Variants in GABRA2 observed in about 807,000 individuals in gnomAD.
The protein encoded by GABRA2 is gamma-aminobutyric acid receptor subunit alpha-2.
Under a neutral mutation model 48.7 loss-of-function variants are expected in GABRA2, and 16 were observed. The observed-to-expected ratio is 0.33, with a 90% CI of 0.22 to 0.50. The LOEUF (loss-of-function observed/expected upper bound fraction) is 0.50, where lower values mean the gene tolerates loss of function less well. GABRA2 is among the 20% of genes least tolerant of loss of function. The pLI is 0.98. For missense variants in GABRA2, 275 were observed against 535.6 expected (o/e 0.51, Z 4.80); for synonymous variants, 185 against 184.5 (o/e 1.00, Z -0.02).
At chr4:46,368,269 A>C (rs1173048907) in intron 3 of GABRA2, 1 of 152,108 alleles carries the variant, frequency 6.6e-6, no homozygotes, top group Non-Finnish European at 1.5e-5. Context: ...ACCTTGTAAC[A>C]CTGACAGCCA....
At chr4:46,343,643 C>T (rs1733666766) in intron 3 of GABRA2, among the ~76,000 whole-genome samples, 1 of 151,900 alleles carries the variant, frequency 6.6e-6, no homozygotes, top group South Asian at 2.1e-4. Flanking sequence ...CTAACATGCA[C>T]GCTTTGTAAT....
chr4:46,340,587 T>G (rs1733049828), intron 3 of GABRA2, among the ~76,000 whole-genome samples: 1 of 152,074 alleles, frequency 6.6e-6, no homozygotes, highest in Admixed American at 6.6e-5. Flanking sequence ...CCTTTTTCTG[T>G]TGATATTGGA....
chr4:46,263,362 T>C (rs1181402811), intron 8 of GABRA2, among the ~76,000 whole-genome samples: 1 of 152,110 alleles, frequency 6.6e-6, no homozygotes, highest in Non-Finnish European at 1.5e-5. Flanking sequence ...TAGAGTTTTA[T>C]GTCTTACCAG....
intron 3 of GABRA2, among the ~76,000 whole-genome samples, chr4:46,339,100 C>T (rs143690484): frequency 0.01 from 1,588 of 151,882 alleles, 19 homozygotes; most frequent in Middle Eastern, 0.024. Flanking sequence ...AAACTACAAC[C>T]ACTCCAAATC....
At chr4:46,294,867 C>T (rs1371138064) in intron 8 of GABRA2, among the ~76,000 whole-genome samples, 1 of 152,180 alleles carries the variant, frequency 6.6e-6, no homozygotes, top group Non-Finnish European at 1.5e-5. Context: ...CTTTCTGACC[C>T]ATCTAACCAT....
chr4:46,389,120 G>A, intron 1 of GABRA2: 1 of 1,000,298 alleles, frequency 1.0e-6, no homozygotes, highest in South Asian at 4.4e-5. Flanking sequence ...GAAAGGAGAG[G>A]AGAGGAGAGA....
At chr4:46,252,200 C>T (rs1344590652) in intron 9 of GABRA2, among the ~76,000 whole-genome samples, 1 of 151,330 alleles carries the variant, frequency 6.6e-6, no homozygotes, top group Non-Finnish European at 1.5e-5. Flanking sequence ...TCCTTTTTCC[C>T]CTGCTGACAT....
chr4:46,251,494 T>C (rs1714749355), intron 9 of GABRA2, among the ~76,000 whole-genome samples: 1 of 151,532 alleles, frequency 6.6e-6, no homozygotes, highest in African/African-American at 2.4e-5. Context: ...GTGCCACGCT[T>C]TTAGCCATGA....
chr4:46,261,834 T>A (rs1406797910), intron 9 of GABRA2, 92 bp downstream of exon 9: 1 of 986,530 alleles, frequency 1.0e-6, no homozygotes, highest in East Asian at 2.5e-5. Flanking sequence ...TATATGGATG[T>A]CTTTAATGTC....
chr4:46,362,425 C>A (rs982223750), intron 3 of GABRA2, among the ~76,000 whole-genome samples: 1 of 152,130 alleles, frequency 6.6e-6, no homozygotes, highest in African/African-American at 2.4e-5. Context: ...GTCCATTAAA[C>A]CTCTTTCTTT....
chr4:46,363,047 A>C (rs1427632510), intron 3 of GABRA2, among the ~76,000 whole-genome samples: 1 of 152,188 alleles, frequency 6.6e-6, no homozygotes, highest in Non-Finnish European at 1.5e-5. Flanking sequence ...ACATCCTTTG[A>C]ATATTCCTTG....
chr4:46,337,951 C>T (rs1270402594), intron 3 of GABRA2, among the ~76,000 whole-genome samples: 2 of 151,826 alleles, frequency 1.3e-5, no homozygotes, highest in African/African-American at 4.8e-5. Context: ...TAATATAACA[C>T]ACAATAGCAA....
chr4:46,244,507 A>G lies in GABRA2; in HGVS notation c.*5801T>C, dbSNP rs143926264. 6.1e-4 allele frequency among the ~76,000 whole-genome samples: 93 copies of G among 151,680 alleles called. No homozygotes were observed. The highest frequency in any genetic ancestry group is 2.0e-3 in the Admixed American group (30 of 15,170). On this transcript the variant is annotated 3_prime_UTR_variant, in exon 10 of 10. Coordinates refer to ENST00000381620, the MANE Select transcript of GABRA2 (RefSeq NM_000807.4). ...CTAGTAAGCTAATTCAGCAATTGCA[A>G]TCCCACCGGTGGCATCCCTTGGGAT...
At chr4:46,339,769 C>T (rs1014857545) in intron 3 of GABRA2, among the ~76,000 whole-genome samples, 2 of 151,726 alleles carry the variant, frequency 1.3e-5, no homozygotes, top group South Asian at 2.1e-4. Flanking sequence ...CTAATAATAT[C>T]GGAATGCCAC....
intron 9 of GABRA2, among the ~76,000 whole-genome samples, chr4:46,253,493 G>A (rs566752177): frequency 6.6e-6 from 1 of 151,578 alleles, no homozygotes; most frequent in Non-Finnish European, 1.5e-5. Context: ...CTCGTTCCAA[G>A]TTATGTTTGC....
At chr4:46,253,824 A>G (rs1715275509) in intron 9 of GABRA2, among the ~76,000 whole-genome samples, 1 of 151,494 alleles carries the variant, frequency 6.6e-6, no homozygotes, top group African/African-American at 2.4e-5. Flanking sequence ...TCAGCACAGC[A>G]AAGCTTTTCT....
At chr4:46,358,353 C>G (rs1736342000) in intron 3 of GABRA2, among the ~76,000 whole-genome samples, 1 of 152,196 alleles carries the variant, frequency 6.6e-6, no homozygotes, top group Admixed American at 6.5e-5. Flanking sequence ...ACCTGCTATA[C>G]TGTGTCAGTA....
chr4:46,293,572 C>G (rs1419939385), intron 8 of GABRA2, among the ~76,000 whole-genome samples: 1 of 152,150 alleles, frequency 6.6e-6, no homozygotes, highest in African/African-American at 2.4e-5. Flanking sequence ...CAGTCAGGCC[C>G]TGGACTCATC....
At chr4:46,287,416 T>C (rs1301821809) in intron 8 of GABRA2, among the ~76,000 whole-genome samples, 1 of 151,898 alleles carries the variant, frequency 6.6e-6, no homozygotes, top group Admixed American at 6.6e-5. Flanking sequence ...TAAGAAAATG[T>C]GGCACATATA....
Sources: allele counts gnomAD v4.1 joint callset (sites outside exome capture counted in the v4.1 genomes callset), GRCh38; gene constraint gnomAD v4.1.1; transcripts MANE v1.5; gene names NCBI Gene and HGNC (gene_info 2026-07-23, HGNC 2026-07-21).